Variants in MCCC2 observed in about 807,000 individuals in gnomAD.
MCCC2 encodes the protein methylcrotonyl-CoA carboxylase subunit 2.
MCCC2 carries 52 observed loss-of-function variants against 77.2 expected under a neutral mutation model. The observed-to-expected ratio is 0.67, with a 90% CI of 0.54 to 0.85. The LOEUF (loss-of-function observed/expected upper bound fraction) is 0.85. Ranked by LOEUF, MCCC2 falls within the 40% of genes least tolerant of loss-of-function variation. The pLI is 0.00. For missense variants in MCCC2, 682 were observed against 703.2 expected, an observed-to-expected ratio of 0.97 and a Z score of 0.34; for synonymous variants, 253 against 248.4, an observed-to-expected ratio of 1.02 and a Z score of -0.18.
At chr5:71,593,307 C>G (rs1043583002) in intron 2 of MCCC2, among the ~76,000 whole-genome samples, 2 of 152,126 alleles carry the variant, frequency 1.3e-5, no homozygotes, top group Non-Finnish European at 2.9e-5. Context: ...CCAGGCTGGT[C>G]TTGAACTACT....
Position 71,649,255 on chromosome 5 carries a change from T to G in MCCC2, c.1373+2T>G, listed in dbSNP as rs2112468012. 1 of 1,613,212 alleles carries G rather than the reference T, an allele frequency of 6.2e-7. No individual in the cohort carries two copies. Among genetic ancestry groups the G allele is most frequent in the South Asian group, 1.1e-5 (1 of 91,062 alleles). On this transcript the variant is annotated splice_donor_variant, in intron 14 of 16. Coordinates refer to ENST00000340941, the MANE Select transcript of MCCC2 (RefSeq NM_022132.5). LOFTEE classifies it high-confidence loss of function. ...TGGGATGTGTGGCAGAGCATATAGG[T>G]AGGTGTCATGATTTTCTCTGAAACA... is the stretch of plus-strand genomic sequence containing the variant.
intron 6 of MCCC2, among the ~76,000 whole-genome samples, chr5:71,625,114 T>G (rs1734536635): frequency 6.6e-6 from 1 of 152,242 alleles, no homozygotes; most frequent in Non-Finnish European, 1.5e-5. Flanking sequence ...GCTCTCTGGT[T>G]GTTTTCATGG....
rs756421636 is a variant in MCCC2, at chr5:71,626,796, G to A, written c.738+43G>A. The A allele has an allele frequency of 1.0e-5, 15 of 1,500,950 alleles. No homozygotes were observed. The Admixed American group carries it at 1.2e-4, about 12-fold the overall frequency. 93.0% of individuals were successfully genotyped at this position (1,500,950 alleles called of 1,614,324 possible). A position where few individuals can be genotyped will look rare whatever the true frequency, so the allele number is the denominator to read the frequency against. ...TTGGTCGATGGAAATTAAGTATGCA[G>A]AACATAAAATACACCATTTAAACTA... On this transcript the variant is annotated intron_variant, in intron 7 of 16. Transcript: ENST00000340941.
intron 6 of MCCC2, among the ~76,000 whole-genome samples, chr5:71,611,819 T>C (rs1424605712): frequency 5.3e-5 from 8 of 151,452 alleles, no homozygotes; most frequent in South Asian, 4.2e-4. Flanking sequence ...GATGGAGTCT[T>C]GCTCTGTTGC....
At chr5:71,620,388 T>C (rs960761675) in intron 6 of MCCC2, among the ~76,000 whole-genome samples, 9 of 152,154 alleles carry the variant, frequency 5.9e-5, no homozygotes, top group African/African-American at 1.9e-4. Context: ...TAAAAAATTA[T>C]TATATTTTTA....
intron 4 of MCCC2, 24 bp downstream of exon 4, chr5:71,599,784 T>C (rs1745350431): frequency 6.3e-7 from 1 of 1,586,562 alleles, no homozygotes; most frequent in South Asian, 1.1e-5. Flanking sequence ...TTGTGCTTCA[T>C]AATGTGGGTT....
chr5:71,599,795 G>C, intron 4 of MCCC2, 35 bp downstream of exon 4: 1 of 1,556,872 alleles, frequency 6.4e-7, no homozygotes, highest in Non-Finnish European at 8.9e-7. Context: ...AATGTGGGTT[G>C]AGAAGAAGAC....
intron 7 of MCCC2, among the ~76,000 whole-genome samples, chr5:71,630,450 AAATATT>A (rs781717007): frequency 2.6e-5 from 4 of 152,158 alleles, no homozygotes; most frequent in Non-Finnish European, 5.9e-5. Context: ...GGTGTTCAAT[AAATATT>A]AACTGATGAC....
At chr5:71,616,894 C>T (rs913482862) in intron 6 of MCCC2, among the ~76,000 whole-genome samples, 1 of 152,168 alleles carries the variant, frequency 6.6e-6, no homozygotes, top group Middle Eastern at 3.2e-3. Flanking sequence ...CTATCACCCC[C>T]AGAGGCAGCT....
chr5:71,652,609 G>GT (rs1270854960), intron 15 of MCCC2, 60 bp from the exon 16 acceptor site: 1 of 1,267,956 alleles, frequency 7.9e-7, no homozygotes, highest in Non-Finnish European at 1.2e-6. Context: ...GAATTGAGAT[G>GT]ATCTAAACAG....
chr5:71,614,156 TGAA>T (rs947891908), intron 6 of MCCC2, among the ~76,000 whole-genome samples: 26 of 152,080 alleles, frequency 1.7e-4, no homozygotes, highest in Admixed American at 1.6e-3. Flanking sequence ...CATATTTTAA[TGAA>T]CCGTATTTTT....
At chr5:71,628,005 G>A (rs1038171462) in intron 7 of MCCC2, among the ~76,000 whole-genome samples, 17 of 151,990 alleles carry the variant, frequency 1.1e-4, no homozygotes, top group South Asian at 2.1e-4. Context: ...CACCACTCCC[G>A]GCTAATTTTT....
intron 6 of MCCC2, among the ~76,000 whole-genome samples, chr5:71,612,674 T>C (rs1050040961): frequency 6.6e-6 from 1 of 152,260 alleles, no homozygotes; most frequent in Admixed American, 6.5e-5. Context: ...ACAATTTTTA[T>C]AGCTTACCTT....
intron 6 of MCCC2, among the ~76,000 whole-genome samples, chr5:71,623,809 TGAG>T (rs1746440558): frequency 1.3e-5 from 2 of 152,170 alleles, no homozygotes; most frequent in Admixed American, 1.3e-4. Flanking sequence ...CCTTGGTTGT[TGAG>T]GAACTGTGGA....
chr5:71,589,533 T>C (rs973754465), intron 1 of MCCC2, among the ~76,000 whole-genome samples: 5 of 152,248 alleles, frequency 3.3e-5, no homozygotes, highest in African/African-American at 1.2e-4. Context: ...AGCAAGAGGC[T>C]GAACACAAAT....
At chr5:71,649,933 A>G in intron 14 of MCCC2, 136 bp from the exon 15 acceptor site, 3 of 727,734 alleles carry the variant, frequency 4.1e-6, no homozygotes, top group Non-Finnish European at 4.9e-6. Context: ...GCATTTGTAT[A>G]TTTGTGAAAG....
intron 7 of MCCC2, among the ~76,000 whole-genome samples, chr5:71,631,716 A>T (rs1746721332): frequency 6.6e-6 from 1 of 151,466 alleles, no homozygotes; most frequent in African/African-American, 2.4e-5. Flanking sequence ...AATTTTTTGT[A>T]TTTTTAGTAG....
chr5:71,630,240 G>C (rs981338408), intron 7 of MCCC2, among the ~76,000 whole-genome samples: 2 of 152,174 alleles, frequency 1.3e-5, no homozygotes, highest in Non-Finnish European at 2.9e-5. Flanking sequence ...GGGTTTGCAC[G>C]TAGTGTGGGG....
At chr5:71,596,888 C>T (rs775564775) in intron 3 of MCCC2, among the ~76,000 whole-genome samples, 5 of 151,414 alleles carry the variant, frequency 3.3e-5, no homozygotes, top group South Asian at 4.2e-4. Flanking sequence ...TGCAGTGAGA[C>T]GAGATTGTGC....
Sources: allele counts gnomAD v4.1 joint callset (sites outside exome capture counted in the v4.1 genomes callset), GRCh38; gene constraint gnomAD v4.1.1; transcripts MANE v1.5; gene names NCBI Gene and HGNC (gene_info 2026-07-23, HGNC 2026-07-21).